SIK3: variants seen among roughly 807,000 people sequenced by gnomAD.
SIK3 encodes SIK family kinase 3.
SIK3 carries 28 observed loss-of-function variants against 144.2 expected under a neutral mutation model. That is an observed-to-expected ratio of 0.19 (90% CI 0.14 to 0.27). The LOEUF is 0.27. SIK3 is among the 10% of genes least tolerant of loss of function. SIK3 has a pLI of 1.00. For synonymous variants in SIK3, 686 were observed against 676.3 expected (o/e 1.01, Z -0.22); for missense variants, 1,319 against 1,776.0 (o/e 0.74, Z 4.62).
intron 3 of SIK3, among the ~76,000 whole-genome samples, chr11:116,949,482 G>T (rs565090027): frequency 6.6e-6 from 1 of 152,230 alleles, no homozygotes; most frequent in African/African-American, 2.4e-5. Context: ...TTCCTTTGAA[G>T]AAATAATTTT....
At chr11:116,917,825 AGGAAG>A (rs1401797016) in intron 4 of SIK3, among the ~76,000 whole-genome samples, 1 of 22,012 alleles carries the variant, frequency 4.5e-5, no homozygotes, top group Non-Finnish European at 1.0e-4. Flanking sequence ...AGGAAGAAGA[AGGAAG>A]GAAAGGAAAG....
intron 1 of SIK3, among the ~76,000 whole-genome samples, chr11:117,020,451 T>C (rs1951725377): frequency 6.6e-6 from 1 of 151,964 alleles, no homozygotes; most frequent in Admixed American, 6.6e-5. Flanking sequence ...AATGAGATGA[T>C]TTTTGCAAAG....
intron 15 of SIK3, among the ~76,000 whole-genome samples, chr11:116,866,669 T>C (rs1207054671): frequency 6.6e-6 from 1 of 152,156 alleles, no homozygotes; most frequent in Non-Finnish European, 1.5e-5. Flanking sequence ...CTCGAACTCC[T>C]GACCTTGTGA....
chr11:116,965,167 A>T (rs667119), intron 1 of SIK3, among the ~76,000 whole-genome samples: 8,179 of 152,208 alleles, frequency 0.054, 458 homozygotes, highest in African/African-American at 0.14. Flanking sequence ...TTTAAAGACA[A>T]AAAGAAAATG....
At chr11:117,009,034 A>T (rs1951155390) in intron 1 of SIK3, among the ~76,000 whole-genome samples, 1 of 152,122 alleles carries the variant, frequency 6.6e-6, no homozygotes, top group South Asian at 2.1e-4. Context: ...CAGGAGATCA[A>T]GACCAGCCTG....
intron 1 of SIK3, among the ~76,000 whole-genome samples, chr11:116,998,115 G>C (rs1950729917): frequency 6.9e-6 from 1 of 144,820 alleles, no homozygotes; most frequent in Admixed American, 7.0e-5. Flanking sequence ...CAGCCTCCAA[G>C]AAAACAACAG....
intron 2 of SIK3, 45 bp from the exon 3 acceptor site, chr11:116,954,152 G>A (rs1949053668): frequency 6.6e-7 from 1 of 1,507,660 alleles, no homozygotes; most frequent in South Asian, 1.1e-5. Context: ...ACAAATGACA[G>A]GCTGATACAG....
chr11:116,873,363 G>A (rs1944062459), intron 13 of SIK3, 118 bp downstream of exon 13: 1 of 1,400,296 alleles, frequency 7.1e-7, no homozygotes, highest in East Asian at 2.4e-5. Context: ...AGCATCCTAA[G>A]TTTGGAGAAA....
intron 1 of SIK3, among the ~76,000 whole-genome samples, chr11:117,024,317 TA>T (rs201592688): frequency 0.097 from 12,790 of 131,940 alleles, 1,002 homozygotes; most frequent in African/African-American, 0.22. Context: ...ACACAGTCTT[TA>T]AAAAAAAAAA....
At chr11:117,093,044 T>C (rs1452737405) in intron 1 of SIK3, among the ~76,000 whole-genome samples, 1 of 152,200 alleles carries the variant, frequency 6.6e-6, no homozygotes, top group African/African-American at 2.4e-5. Flanking sequence ...CAAAAACGTT[T>C]AGCAACCCCA....
At chr11:117,049,544 T>C (rs945754222) in intron 1 of SIK3, among the ~76,000 whole-genome samples, 11 of 151,416 alleles carry the variant, frequency 7.3e-5, no homozygotes, top group African/African-American at 2.7e-4. Context: ...CGCCACTGCA[T>C]ACCAGCCTAG....
chr11:116,861,453 T>C (rs1368203594), intron 18 of SIK3, 70 bp from the exon 19 acceptor site: 1 of 1,164,118 alleles, frequency 8.6e-7, no homozygotes, highest in African/African-American at 1.6e-5. Flanking sequence ...GTTTCAGCCA[T>C]ACAACATATA....
At chr11:116,991,700 A>G (rs977296691) in intron 1 of SIK3, among the ~76,000 whole-genome samples, 1 of 152,166 alleles carries the variant, frequency 6.6e-6, no homozygotes, top group Non-Finnish European at 1.5e-5. Flanking sequence ...TCGGCCTTCA[A>G]CCTATCTTTC....
At chr11:116,885,132 CT>C (rs1203781990) in intron 6 of SIK3, among the ~76,000 whole-genome samples, 17 of 152,136 alleles carry the variant, frequency 1.1e-4, no homozygotes, top group African/African-American at 3.9e-4. Context: ...AAATAAAGTT[CT>C]TTATATCTCT....
intron 6 of SIK3, among the ~76,000 whole-genome samples, chr11:116,885,570 G>A (rs1944768902): frequency 6.6e-6 from 1 of 152,084 alleles, no homozygotes; most frequent in Non-Finnish European, 1.5e-5. Context: ...AGTATCTTTT[G>A]ACTCCTAGTA....
Position 117,000,871 on chromosome 11 carries a change from G to A in SIK3, c.274-43807C>T, listed in dbSNP as rs368777283. 2.6e-4 allele frequency among the ~76,000 whole-genome samples: 40 copies of A among 152,282 alleles called. 1 individual carries two copies. The South Asian group carries it at 7.5e-3, about 28-fold the overall frequency. ...TATAGTAACATTAGGAAATGACGAC[G>A]GGTTGCTTAGCTGCAGTTTTCCAAA... On this transcript the variant is annotated intron_variant, in intron 1 of 24. Coordinates refer to ENST00000445177, the MANE Select transcript of SIK3 (RefSeq NM_001366686.3).
chr11:116,926,637 G>A (rs1165858569), intron 4 of SIK3, among the ~76,000 whole-genome samples: 1 of 152,100 alleles, frequency 6.6e-6, no homozygotes, highest in African/African-American at 2.4e-5. Context: ...TATTTCTTAT[G>A]TAAAAAAGGA....
chr11:116,966,955 A>T (rs1012250770), intron 1 of SIK3, among the ~76,000 whole-genome samples: 2 of 147,960 alleles, frequency 1.4e-5, no homozygotes, highest in African/African-American at 2.5e-5. Context: ...CAGTGAGTCA[A>T]GATCACACCA....
intron 1 of SIK3, among the ~76,000 whole-genome samples, chr11:117,079,123 A>G (rs1954676185): frequency 6.6e-6 from 1 of 152,214 alleles, no homozygotes; most frequent in Non-Finnish European, 1.5e-5. Flanking sequence ...CAAAAAGTTT[A>G]ATAAAGGAGA....
Sources: gnomAD v4.1 joint callset for allele counts (sites outside exome capture counted in the v4.1 genomes callset) on GRCh38, gnomAD v4.1.1 for gene constraint, MANE v1.5 for transcripts, NCBI Gene and HGNC (gene_info 2026-07-23, HGNC 2026-07-21) for gene names.